CPT1A: variants seen among roughly 807,000 people sequenced by gnomAD.
The protein encoded by CPT1A is carnitine O-palmitoyltransferase 1, liver isoform.
CPT1A carries 64 observed loss-of-function variants against 100.8 expected under a neutral mutation model. The observed-to-expected ratio is 0.63, with a 90% CI of 0.52 to 0.78. The LOEUF (loss-of-function observed/expected upper bound fraction) is 0.78, where lower values mean the gene tolerates loss of function less well. Among genes scored for constraint, CPT1A ranks in the 30% least tolerant of loss-of-function variants. The probability of loss-of-function intolerance (pLI) is 0.00; values close to 1 mark genes in which losing one functional copy is unlikely to be tolerated. For synonymous variants in CPT1A, 363 were observed against 396.0 expected, an observed-to-expected ratio of 0.92 and a Z score of 0.99; for missense variants, 802 against 1,034.1, an observed-to-expected ratio of 0.78 and a Z score of 3.08.
Position 68,773,271 on chromosome 11 carries a change from G to C in CPT1A, c.1734C>G (p.His578Gln), listed in dbSNP as rs1246927989. 1.9e-6 allele frequency: 3 copies of C among 1,614,096 alleles called. No individual in the cohort carries two copies. In the South Asian group the frequency reaches 3.3e-5, roughly 18 times the overall value. ...AFVQLALQLA[H>Q]YKDMGKFCLT... ...CTAGGCGGTCAGTTCTTACCTTGTAGTGCGCCAGCTGGAGGGCCAGCTGCA... is the reference window on the plus strand; with the variant it reads ...CTAGGCGGTCAGTTCTTACCTTGTACTGCGCCAGCTGGAGGGCCAGCTGCA... The change falls in exon 14 of 19, where the codon CAC becomes CAG. Residue 578 changes from histidine to glutamine, a missense_variant. Coordinates refer to ENST00000265641, the MANE Select transcript of CPT1A (RefSeq NM_001876.4).
intron 3 of CPT1A, among the ~76,000 whole-genome samples, chr11:68,812,181 C>T (rs1856231498): frequency 6.6e-6 from 1 of 152,218 alleles, no homozygotes; most frequent in African/African-American, 2.4e-5. Context: ...CGGGCCCTGA[C>T]ACCTTCCAAG....
chr11:68,759,498 A>G, intron 18 of CPT1A, 71 bp downstream of exon 18: 1 of 980,566 alleles, frequency 1.0e-6, no homozygotes, highest in South Asian at 1.3e-5. Flanking sequence ...CAAATTAAAG[A>G]TGTGTTTCCT....
intron 2 of CPT1A, among the ~76,000 whole-genome samples, chr11:68,813,010 G>A (rs1856260562): frequency 6.6e-6 from 1 of 151,450 alleles, no homozygotes; most frequent in Admixed American, 6.6e-5. Flanking sequence ...AAGATTTCAT[G>A]GGAGACCTCA....
At position 68,755,632 on chromosome 11, in the gene CPT1A, A is replaced by T. The variant is rs1249641804; in HGVS notation, c.*2012T>A. 2.7e-5 allele frequency: 4 copies of T among 148,402 alleles called. No individual in the cohort carries two copies. Among genetic ancestry groups the T allele is most frequent in the African/African-American group, 9.9e-5 (4 of 40,312 alleles). 9.2% of individuals were successfully genotyped at this position (148,402 alleles called of 1,614,324 possible). A position where few individuals can be genotyped will look rare whatever the true frequency, so the allele number is the denominator to read the frequency against. On this transcript the variant is annotated 3_prime_UTR_variant, in exon 19 of 19. Coordinates refer to ENST00000265641, the MANE Select transcript of CPT1A (RefSeq NM_001876.4). The stretch of plus-strand genomic sequence containing the variant: ...CACCGTGTTAGCCAGGATGGTCTCC[A>T]TCTCCTGACCTCGTGATCCGCCCGC...
At chr11:68,807,116 G>A (rs1856066908) in intron 4 of CPT1A, among the ~76,000 whole-genome samples, 1 of 152,134 alleles carries the variant, frequency 6.6e-6, no homozygotes, top group African/African-American at 2.4e-5. Flanking sequence ...GAGCCTGTCT[G>A]AGGGGTCAGC....
intron 5 of CPT1A, among the ~76,000 whole-genome samples, chr11:68,800,588 C>A (rs1168628026): frequency 3.2e-4 from 49 of 151,990 alleles, no homozygotes; most frequent in Non-Finnish European, 8.8e-5. Flanking sequence ...ATCACTTGGG[C>A]CCAGGAGTTC....
chr11:68,798,962 G>T (rs1322315922), intron 6 of CPT1A, among the ~76,000 whole-genome samples: 1 of 152,106 alleles, frequency 6.6e-6, no homozygotes, highest in Non-Finnish European at 1.5e-5. Context: ...AGGAGTTTGA[G>T]ACCAGCCTGG....
At chr11:68,800,294 T>C (rs1468330289) in intron 5 of CPT1A, among the ~76,000 whole-genome samples, 1 of 152,132 alleles carries the variant, frequency 6.6e-6, no homozygotes, top group East Asian at 1.9e-4. Flanking sequence ...AGAGAGCAAT[T>C]GTTTAAAAAG....
chr11:68,799,722 A>C (rs3019604), intron 5 of CPT1A, among the ~76,000 whole-genome samples: 141,050 of 151,722 alleles, frequency 0.93, 65,943 homozygotes, highest in Non-Finnish European at 0.98. Flanking sequence ...TGCCACTGCA[A>C]CCCAGCCTGG....
intron 1 of CPT1A, among the ~76,000 whole-genome samples, chr11:68,817,991 G>A (rs1856481112): frequency 6.6e-6 from 1 of 152,104 alleles, no homozygotes. Context: ...TTTTGTGCTA[G>A]CAATGGAGAA....
At chr11:68,810,486 C>T (rs1339770064) in intron 3 of CPT1A, among the ~76,000 whole-genome samples, 5 of 152,178 alleles carry the variant, frequency 3.3e-5, no homozygotes, top group African/African-American at 4.8e-5. Context: ...CCTGAGCCAG[C>T]GTTCCTGAGC....
chr11:68,799,994 T>C (rs1855860271), intron 5 of CPT1A, among the ~76,000 whole-genome samples: 1 of 152,146 alleles, frequency 6.6e-6, no homozygotes, highest in Non-Finnish European at 1.5e-5. Context: ...AACAAGGAAA[T>C]TTCAAGAATG....
intron 10 of CPT1A, among the ~76,000 whole-genome samples, chr11:68,783,260 A>C (rs1280579212): frequency 6.6e-6 from 1 of 151,620 alleles, no homozygotes; most frequent in Non-Finnish European, 1.5e-5. Flanking sequence ...TCCCACATTA[A>C]CCTACTCATG....
intron 1 of CPT1A, among the ~76,000 whole-genome samples, chr11:68,816,268 C>T (rs1048625814): frequency 6.6e-6 from 1 of 152,160 alleles, no homozygotes; most frequent in Non-Finnish European, 1.5e-5. Flanking sequence ...GCTGCTCTTT[C>T]GAGAAACTGT....
At position 68,759,690 on chromosome 11, in the gene CPT1A, G is replaced by C. The variant is rs553966094; in HGVS notation, c.2143-29C>G. On this transcript the variant is annotated intron_variant, in intron 17 of 18. Transcript: ENST00000265641. Reference sequence around the variant, plus strand: ...GAGGACAAGGGAATTTGAATTTGTTGCTGGGAAATGAGACAACGTGAAAAA... The same window carrying C: ...GAGGACAAGGGAATTTGAATTTGTTCCTGGGAAATGAGACAACGTGAAAAA... The C allele has an allele frequency of 1.1e-4, 160 of 1,510,088 alleles. 1 individual carries two copies. In the South Asian group the frequency reaches 1.8e-3, roughly 17 times the overall value. The allele number at this position is 1,510,088 out of a possible 1,614,324, so 93.5% of individuals were successfully genotyped here.
intron 6 of CPT1A, among the ~76,000 whole-genome samples, chr11:68,798,799 G>A (rs1855823780): frequency 6.6e-6 from 1 of 152,222 alleles, no homozygotes; most frequent in African/African-American, 2.4e-5. Context: ...CTCCGGGGAA[G>A]AGGGAGAGGG....
Position 68,761,686 on chromosome 11 carries a change from A to G in CPT1A, c.1877T>C (p.Val626Ala), listed in dbSNP as rs768746064. Residue 626 changes from valine to alanine, a missense_variant and splice_region_variant, in exon 16 of 19, where the codon GTG (valine) becomes GCG (alanine). Physicochemically the swap from Val to Ala is moderately conservative, Grantham distance 64. This residue lies in a region of CPT1A where 627 missense variants were observed against 799.3 expected (regional missense o/e 0.78). Transcript: ENST00000265641. The part of the protein sequence containing the change: ...VRAMVDPAQT[V>A]EQRLKLFKLA... ...CTTGAACAACTTCAGCCTCTGTTCC[A>G]CCTGAGTGACAAAAGGTGGGAAGGA... 9.9e-6 allele frequency: 16 copies of G among 1,614,036 alleles called. No homozygotes were observed. Among genetic ancestry groups the G allele is most frequent in the African/African-American group, 1.3e-5 (1 of 74,910 alleles).
intron 1 of CPT1A, among the ~76,000 whole-genome samples, chr11:68,838,093 C>T (rs1395606547): frequency 6.6e-6 from 1 of 152,090 alleles, no homozygotes; most frequent in East Asian, 1.9e-4. Flanking sequence ...ACTTGGTGTC[C>T]AATGCCTAAC....
intron 1 of CPT1A, among the ~76,000 whole-genome samples, chr11:68,837,239 G>A (rs769644195): frequency 2.6e-5 from 4 of 152,116 alleles, no homozygotes; most frequent in Non-Finnish European, 2.9e-5. Flanking sequence ...TAGTAAAGAC[G>A]AGGTTTCACT....
Sources: gnomAD v4.1 joint callset for allele counts (sites outside exome capture counted in the v4.1 genomes callset) on GRCh38, gnomAD v4.1.1 for gene constraint, gnomAD v4.1.1 regional missense constraint, MANE v1.5 for transcripts, NCBI Gene and HGNC (gene_info 2026-07-23, HGNC 2026-07-21) for gene names.